The following PRIM2 variants were observed in gnomAD, a reference collection of about 807,000 sequenced individuals.
PRIM2 encodes DNA primase subunit 2.
PRIM2 carries 39 observed loss-of-function variants against 67.3 expected under a neutral mutation model. The ratio of observed to expected loss-of-function variants is 0.58; its 90% CI spans 0.45 to 0.76. The LOEUF (loss-of-function observed/expected upper bound fraction) is 0.76. PRIM2 is among the 30% of genes least tolerant of loss of function. PRIM2 has a pLI of 0.00. For synonymous variants in PRIM2, 143 were observed against 198.7 expected (o/e 0.72, Z 2.36); for missense variants, 398 against 598.7 (o/e 0.66, Z 3.50).
chr6:57,392,209 C>T (rs1195967767), intron 7 of PRIM2, among the ~76,000 whole-genome samples: 7 of 152,078 alleles, frequency 4.6e-5, no homozygotes, highest in South Asian at 4.1e-4. Flanking sequence ...CTAGCGATTT[C>T]GTTCATTGAT....
intron 8 of PRIM2, among the ~76,000 whole-genome samples, chr6:57,512,705 C>G (rs1774395950): frequency 6.6e-6 from 1 of 152,106 alleles, no homozygotes; most frequent in Non-Finnish European, 1.5e-5. Context: ...TCAAGCGATT[C>G]TTCTGCCTCA....
chr6:57,642,433 A>ACCTTTT (rs1444848326), intron 13 of PRIM2, among the ~76,000 whole-genome samples: 97 of 107,042 alleles, frequency 9.1e-4, no homozygotes, highest in East Asian at 2.8e-3. Flanking sequence ...TAAATATTAT[A>ACCTTTT]TCTTTTTTTT....
At chr6:57,488,647 A>G (rs1324123529) in intron 7 of PRIM2, among the ~76,000 whole-genome samples, 1 of 152,248 alleles carries the variant, frequency 6.6e-6, no homozygotes, top group African/African-American at 2.4e-5. Context: ...TGTCAGGAGC[A>G]GCAGTCCCAG....
intron 7 of PRIM2, among the ~76,000 whole-genome samples, chr6:57,432,714 G>A (rs1178151100): frequency 6.6e-6 from 1 of 152,128 alleles, no homozygotes; most frequent in Non-Finnish European, 1.5e-5. Context: ...TACCTCACAG[G>A]ATGTTAAGCT....
intron 8 of PRIM2, among the ~76,000 whole-genome samples, chr6:57,521,367 GTTTTTTTTTTT>G (rs1163114437): frequency 2.5e-4 from 24 of 97,956 alleles, no homozygotes; most frequent in Non-Finnish European, 2.9e-4. Context: ...TGTGGTTAGG[GTTTTTTTTTTT>G]TTTTTTTTTT....
rs1300208707 is a variant in PRIM2, at chr6:57,435,843, G to A, written c.693+53675G>A. On this transcript the variant is annotated intron_variant, in intron 7 of 13. Transcript: ENST00000615550. The stretch of plus-strand genomic sequence containing the variant: ...TCATTCCAATGTGCACAGGTGGTTT[G>A]GGCATTTTAAAGGGTGTTTATTCTT... 2.0e-5 allele frequency among the ~76,000 whole-genome samples: 3 copies of A among 152,130 alleles called. No individual in the cohort carries two copies. The South Asian group carries it at 6.2e-4, about 32-fold the overall frequency.
chr6:57,355,397 T>G (rs1253848912), intron 5 of PRIM2, among the ~76,000 whole-genome samples: 1 of 152,050 alleles, frequency 6.6e-6, no homozygotes, highest in Non-Finnish European at 1.5e-5. Context: ...TACCAAATCT[T>G]CCTCTTACAT....
intron 7 of PRIM2, among the ~76,000 whole-genome samples, chr6:57,426,594 A>G (rs1771633556): frequency 6.6e-6 from 1 of 152,314 alleles, no homozygotes; most frequent in African/African-American, 2.4e-5. Flanking sequence ...CAGTACACCC[A>G]CTTGAATGGC....
chr6:57,453,832 G>T (rs1427539817), intron 7 of PRIM2, among the ~76,000 whole-genome samples: 1 of 152,174 alleles, frequency 6.6e-6, no homozygotes, highest in Non-Finnish European at 1.5e-5. Flanking sequence ...TGTTGAATAG[G>T]AGTGGTGAGA....
At chr6:57,560,215 A>T (rs1285438242) in intron 10 of PRIM2, among the ~76,000 whole-genome samples, 2 of 152,020 alleles carry the variant, frequency 1.3e-5, no homozygotes, top group African/African-American at 2.4e-5. Context: ...AATAGTTTCC[A>T]TCAGGAATAG....
intron 7 of PRIM2, among the ~76,000 whole-genome samples, chr6:57,478,723 C>A (rs1773540297): frequency 6.6e-6 from 1 of 151,944 alleles, no homozygotes; most frequent in Non-Finnish European, 1.5e-5. Context: ...TACTGTGTTC[C>A]CTTAGACAAG....
chr6:57,582,991 T>C (rs1198477371), intron 10 of PRIM2, among the ~76,000 whole-genome samples: 1 of 127,182 alleles, frequency 7.9e-6, no homozygotes, highest in African/African-American at 3.0e-5. Context: ...CCTGTGTCCA[T>C]GTGTTCTCAT....
intron 10 of PRIM2, among the ~76,000 whole-genome samples, chr6:57,555,966 C>G (rs1209704694): frequency 5.9e-5 from 9 of 152,140 alleles, no homozygotes; most frequent in Non-Finnish European, 1.0e-4. Flanking sequence ...CTTTTATTTT[C>G]ATATTTATTA....
chr6:57,418,891 G>A, intron 7 of PRIM2, among the ~76,000 whole-genome samples: 1 of 151,996 alleles, frequency 6.6e-6, no homozygotes, highest in Non-Finnish European at 1.5e-5. Flanking sequence ...ATTTCATTGT[G>A]TAAAAGGGGT....
intron 5 of PRIM2, among the ~76,000 whole-genome samples, chr6:57,332,846 A>C (rs1768098549): frequency 6.6e-6 from 1 of 151,990 alleles, no homozygotes; most frequent in African/African-American, 2.4e-5. Flanking sequence ...TGACTTTTGC[A>C]TGGATTGTTT....
intron 10 of PRIM2, among the ~76,000 whole-genome samples, chr6:57,594,969 C>T (rs1776340637): frequency 6.6e-6 from 1 of 152,230 alleles, no homozygotes; most frequent in African/African-American, 2.4e-5. Flanking sequence ...AAGATTTGAA[C>T]AGACATTTCA....
At chr6:57,258,088 T>TA in the PRIM2 span, among the ~76,000 whole-genome samples, 4 of 152,138 alleles carry the variant, frequency 2.6e-5, no homozygotes, top group African/African-American at 9.7e-5. Context: ...CCAGCACCAT[T>TA]AAAAACAAAG....
intron 5 of PRIM2, among the ~76,000 whole-genome samples, chr6:57,345,528 C>A (rs1184079471): frequency 6.3e-5 from 6 of 95,928 alleles, no homozygotes; most frequent in African/African-American, 8.9e-5. Flanking sequence ...ATATTTATAT[C>A]CTCAAAGAAT....
intron 7 of PRIM2, among the ~76,000 whole-genome samples, chr6:57,398,967 A>C (rs1179731238): frequency 6.6e-6 from 1 of 151,734 alleles, no homozygotes; most frequent in Non-Finnish European, 1.5e-5. Context: ...TTGGGATTGC[A>C]ACCCCTGTTT....
Sources: allele counts gnomAD v4.1 joint callset (sites outside exome capture counted in the v4.1 genomes callset), GRCh38; gene constraint gnomAD v4.1.1; transcripts MANE v1.5; gene names NCBI Gene and HGNC (gene_info 2026-07-23, HGNC 2026-07-21).